RPRD2: variants seen among roughly 807,000 people sequenced by gnomAD.
RPRD2 encodes the protein regulation of nuclear pre-mRNA domain-containing protein 2.
A neutral mutation model predicts 104.4 loss-of-function variants in RPRD2; 12 were observed. That is an observed-to-expected ratio of 0.11 (90% CI 0.07 to 0.19). RPRD2 has a LOEUF of 0.19. Ranked by LOEUF, RPRD2 falls within the 10% of genes least tolerant of loss-of-function variation. The pLI, the probability that RPRD2 is intolerant of heterozygous loss-of-function variation, is 1.00. For synonymous variants in RPRD2, 714 were observed against 684.9 expected, an observed-to-expected ratio of 1.04 and a Z score of -0.66; for missense variants, 1,543 against 1,790.1, an observed-to-expected ratio of 0.86 and a Z score of 2.49.
intron 10 of RPRD2, among the ~76,000 whole-genome samples, chr1:150,465,509 CCTTA>C (rs1668206304): frequency 6.6e-6 from 1 of 151,970 alleles, no homozygotes; most frequent in South Asian, 2.1e-4. Flanking sequence ...TAGTCTAATC[CCTTA>C]CTTTTCAGGT....
At position 150,474,645 on chromosome 1, in the gene RPRD2, T is replaced by G. The variant is rs1401058168; in HGVS notation, c.*1311T>G. On this transcript the variant is annotated 3_prime_UTR_variant, in exon 11 of 11. Transcript: ENST00000369068. Reference sequence around the variant, plus strand: ...AGACAATCACTGTACTTTGAGTGTTTATATCTTTATATCTAGGGACACTGA... The same window carrying G: ...AGACAATCACTGTACTTTGAGTGTTGATATCTTTATATCTAGGGACACTGA... 1.3e-5 allele frequency: 2 copies of G among 152,216 alleles called. No homozygotes were observed. The highest frequency in any genetic ancestry group is 2.9e-5 in the Non-Finnish European group (2 of 68,048). 9.4% of individuals were successfully genotyped at this position (152,216 alleles called of 1,614,324 possible). A position where few individuals can be genotyped will look rare whatever the true frequency, so the allele number is the denominator to read the frequency against.
At chr1:150,420,026 C>G (rs1414715802) in intron 2 of RPRD2, among the ~76,000 whole-genome samples, 2 of 152,272 alleles carry the variant, frequency 1.3e-5, no homozygotes, top group African/African-American at 2.4e-5. Flanking sequence ...AGCCAGATTC[C>G]CACTTCAGGC....
At chr1:150,452,877 C>T (rs1469166355) in intron 7 of RPRD2, among the ~76,000 whole-genome samples, 1 of 151,848 alleles carries the variant, frequency 6.6e-6, no homozygotes, top group Non-Finnish European at 1.5e-5. Flanking sequence ...ACCATGTTGG[C>T]CAGGCTGGTC....
rs775910337 is a variant in RPRD2, at chr1:150,471,506, C to G, written c.2558C>G (p.Pro853Arg). The G allele has an allele frequency of 3.1e-6, 5 of 1,613,780 alleles. No homozygotes were observed. The Admixed American group carries it at 8.3e-5, about 27-fold the overall frequency. ...PSAMMNLEKK[P>R]AKSILKSSKL... ...GCCATGATGAACCTAGAGAAGAAACCAGCCAAATCTATCCTGAAATCAAGC... is the reference window on the plus strand; with the variant it reads ...GCCATGATGAACCTAGAGAAGAAACGAGCCAAATCTATCCTGAAATCAAGC... The change falls in exon 11 of 11, where the codon CCA (proline) becomes CGA (arginine). Residue 853 changes from proline to arginine, a missense_variant. Around this residue, in one of 4 missense-constraint regions of RPRD2, gnomAD observed 880 missense variants for 885.6 expected, o/e 0.99. Coordinates refer to ENST00000369068, the MANE Select transcript of RPRD2 (RefSeq NM_015203.5). The surrounding 1 kb of genome is among the most constrained non-coding windows in gnomAD (Gnocchi z 5.3).
At chr1:150,365,765 A>AT (rs1293874465) in intron 1 of RPRD2, among the ~76,000 whole-genome samples, 1 of 151,906 alleles carries the variant, frequency 6.6e-6, no homozygotes, top group Non-Finnish European at 1.5e-5. Flanking sequence ...AATTATTTGT[A>AT]TTTTTAGTAG....
At chr1:150,468,929 C>A (rs1668444525) in intron 10 of RPRD2, among the ~76,000 whole-genome samples, 2 of 130,350 alleles carry the variant, frequency 1.5e-5, no homozygotes. Context: ...GGCTAGGGAA[C>A]TTTTTTTGGA....
Position 150,378,999 on chromosome 1 carries a change from AG to A in RPRD2, c.205+14082del, listed in dbSNP as rs1280553295. On this transcript the variant is annotated intron_variant, in intron 1 of 10. Transcript: ENST00000369068. ...TTCATTAAAAAAAAAAAAAAAAAAAAGGCCCAGCTGAATTGGCTCATGCCTG... is the reference window on the plus strand; with the variant it reads ...TTCATTAAAAAAAAAAAAAAAAAAAAGCCCAGCTGAATTGGCTCATGCCTG... Among the ~76,000 whole-genome samples, 1,034 of 146,410 alleles carry A rather than the reference AG, an allele frequency of 7.1e-3. 11 individuals are homozygous for A. Among genetic ancestry groups the A allele is most frequent in the African/African-American group, 0.024 (959 of 39,716 alleles).
chr1:150,401,326 A>G (rs1403071701), intron 1 of RPRD2, among the ~76,000 whole-genome samples: 4 of 152,086 alleles, frequency 2.6e-5, no homozygotes, highest in African/African-American at 9.7e-5. Context: ...TGTCTCTCCT[A>G]AACATACAAA....
chr1:150,424,031 A>G (rs1365953235), intron 2 of RPRD2, among the ~76,000 whole-genome samples: 2 of 151,910 alleles, frequency 1.3e-5, no homozygotes, highest in East Asian at 1.9e-4. Context: ...ACCTCAGGTG[A>G]TCCACCCGCC....
At position 150,472,373 on chromosome 1, in the gene RPRD2, C is replaced by T. The variant is rs1299503476; in HGVS notation, c.3425C>T (p.Pro1142Leu). The T allele has an allele frequency of 1.2e-6, 2 of 1,613,990 alleles. No homozygotes were observed. Among genetic ancestry groups the T allele is most frequent in the East Asian group, 2.2e-5 (1 of 44,876 alleles). Residue 1142 changes from proline to leucine, a missense_variant, in exon 11 of 11, where the codon CCT becomes CTT. Physicochemically the swap from Pro to Leu is moderately conservative, Grantham distance 98. Coordinates refer to ENST00000369068, the MANE Select transcript of RPRD2 (RefSeq NM_015203.5). ...TCAGGTAGCTCTTTTGACAATGGCC[C>T]TTCAAGTGCCTCTGAGTTGGCATCC... ...STSGSSFDNG[P>L]SSASELASLG...
chr1:150,419,320 G>T (rs587607220), intron 2 of RPRD2, among the ~76,000 whole-genome samples: 1 of 152,094 alleles, frequency 6.6e-6, no homozygotes, highest in East Asian at 1.9e-4. Flanking sequence ...TATTATCATT[G>T]ACCCATTTGT....
chr1:150,413,192 G>A (rs1664070404), intron 1 of RPRD2, among the ~76,000 whole-genome samples: 1 of 152,006 alleles, frequency 6.6e-6, no homozygotes, highest in Admixed American at 6.6e-5. Flanking sequence ...GGACAAAATT[G>A]GCTAGAGTTT....
chr1:150,413,409 T>C (rs934984986), intron 1 of RPRD2, among the ~76,000 whole-genome samples: 17 of 152,090 alleles, frequency 1.1e-4, no homozygotes, highest in Non-Finnish European at 2.2e-4. Flanking sequence ...GAGACCAGGC[T>C]GGCCAACATG....
chr1:150,441,647 T>C (rs1212951044), intron 3 of RPRD2: 2 of 374,120 alleles, frequency 5.3e-6, no homozygotes, highest in Non-Finnish European at 4.9e-6. Context: ...TTAAGCCTCC[T>C]CCCCTATTCT....
intron 1 of RPRD2, among the ~76,000 whole-genome samples, chr1:150,386,703 C>T (rs1277267932): frequency 6.6e-6 from 1 of 151,994 alleles, no homozygotes; most frequent in Non-Finnish European, 1.5e-5. Context: ...AATATGAGAA[C>T]CACAAGAGAT....
chr1:150,417,957 C>A (rs1217197737), intron 2 of RPRD2, among the ~76,000 whole-genome samples: 1 of 134,660 alleles, frequency 7.4e-6, no homozygotes, highest in African/African-American at 2.8e-5. Flanking sequence ...CCTTTCCTTC[C>A]TTTCTTTTCT....
chr1:150,459,019 C>A (rs1667737621), intron 8 of RPRD2, among the ~76,000 whole-genome samples: 1 of 152,096 alleles, frequency 6.6e-6, no homozygotes, highest in Admixed American at 6.6e-5. Flanking sequence ...AAATTGTATT[C>A]ATGTTAAATA....
chr1:150,381,230 C>T (rs1349380771), intron 1 of RPRD2, among the ~76,000 whole-genome samples: 2 of 150,240 alleles, frequency 1.3e-5, no homozygotes, highest in Non-Finnish European at 3.0e-5. Context: ...GGAGACCAGC[C>T]TGGGCAACAT....
In RPRD2 at chr1:150,457,379, T is replaced by G; in HGVS notation, c.962T>G (p.Val321Gly). ...STLPDPEESP[V>G]PSPSMDAPSP... ...CTTCCAGATCCTGAAGAATCACCAGTTCCTTCCCCAAGCATGGACGCTCCC... is the reference window on the plus strand; with the variant it reads ...CTTCCAGATCCTGAAGAATCACCAGGTCCTTCCCCAAGCATGGACGCTCCC... The change falls in exon 8 of 11, where the codon GTT becomes GGT. Residue 321 changes from valine (V) to glycine (G), a missense_variant. Val to Gly is a moderately radical substitution (Grantham distance 109). Transcript: ENST00000369068. 1 of 1,612,506 alleles carries G rather than the reference T, an allele frequency of 6.2e-7. No homozygotes were observed. The highest frequency in any genetic ancestry group is 8.5e-7 in the Non-Finnish European group (1 of 1,178,586).
Sources: allele counts gnomAD v4.1 joint callset (sites outside exome capture counted in the v4.1 genomes callset), GRCh38; gene constraint gnomAD v4.1.1; regional missense constraint gnomAD v4.1.1; non-coding constraint Gnocchi (gnomAD v3.1); transcripts MANE v1.5; gene names NCBI Gene and HGNC (gene_info 2026-07-23, HGNC 2026-07-21).